The following MRTFB variants were observed in gnomAD, a reference collection of about 807,000 sequenced individuals.
The protein encoded by MRTFB is myocardin related transcription factor B, also known as myocardin-related transcription factor B.
Under a neutral mutation model 104.2 loss-of-function variants are expected in MRTFB, and 29 were observed. That is an observed-to-expected ratio of 0.28 (90% CI 0.21 to 0.38). The LOEUF (loss-of-function observed/expected upper bound fraction) is 0.38, where lower values mean the gene tolerates loss of function less well. Among genes scored for constraint, MRTFB ranks in the 10% least tolerant of loss-of-function variants. The pLI, the probability that MRTFB is intolerant of heterozygous loss-of-function variation, is 1.00. For synonymous variants in MRTFB, 535 were observed against 519.5 expected, an observed-to-expected ratio of 1.03 and a Z score of -0.41; for missense variants, 1,270 against 1,341.6, an observed-to-expected ratio of 0.95 and a Z score of 0.83.
At chr16:14,238,442 ATTG>A (rs1411788326) in intron 9 of MRTFB, among the ~76,000 whole-genome samples, 1 of 152,130 alleles carries the variant, frequency 6.6e-6, no homozygotes, top group African/African-American at 2.4e-5. Context: ...GCATCAAATA[ATTG>A]TTGTAGTTGG....
chr16:14,136,731 T>C (rs1031866331), intron 2 of MRTFB, among the ~76,000 whole-genome samples: 1 of 151,928 alleles, frequency 6.6e-6, no homozygotes, highest in East Asian at 1.9e-4. Context: ...AGATGAAAAA[T>C]GAAAGTGTAA....
At chr16:14,028,293 G>C in the MRTFB span, among the ~76,000 whole-genome samples, 7 of 152,158 alleles carry the variant, frequency 4.6e-5, no homozygotes, top group South Asian at 1.2e-3. Context: ...TCTGAAGGTA[G>C]CAAAAAAGAG....
Position 14,210,319 on chromosome 16 carries a change from T to C in MRTFB, c.220+11T>C, listed in dbSNP as rs781482274. The C allele has an allele frequency of 3.7e-6, 6 of 1,608,384 alleles. No homozygotes were observed. The highest frequency in any genetic ancestry group is 3.3e-5 in the South Asian group (3 of 90,270). ...AGGGCATCATGCCACGTAAGATTTA[T>C]ACCATCACTGCCATCCCTAACGTGA... On this transcript the variant is annotated intron_variant, in intron 4 of 16. Transcript: ENST00000571589.
Position 14,247,429 on chromosome 16 carries a change from T to A in MRTFB, c.2169T>A (p.Ala723=), listed in dbSNP as rs545337037. The change falls in exon 12 of 17, where the codon GCT becomes GCA. Residue 723 remains alanine (A), a synonymous_variant. Transcript: ENST00000571589. ...AGGCTTTACTGACCACGCAGACTGC[T>A]CAGCTGCTGCTCCCAGTGTCCATCC... is the stretch of plus-strand genomic sequence containing the variant. ...QPQALLTTQT[A]QLLLPVSIQG... is the part of the protein sequence containing the mutation. 1.3e-5 allele frequency: 21 copies of A among 1,608,836 alleles called. No individual in the cohort carries two copies. Among genetic ancestry groups the A allele is most frequent in the Non-Finnish European group, 1.5e-5 (18 of 1,179,604 alleles).
At position 14,252,512 on chromosome 16, in the gene MRTFB, G is replaced by GGC; in HGVS notation, c.2703+11_2703+12dup. 1 of 1,613,872 alleles carries GGC rather than the reference G, an allele frequency of 6.2e-7. No individual in the cohort carries two copies. The highest frequency in any genetic ancestry group is 8.5e-7 in the Non-Finnish European group (1 of 1,179,940). ...GGCCCCTCTGCCAGAGGTAAGTGAG[G>GGC]GCACGGTCATGGTGCATAAGGCTAT... On this transcript the variant is annotated intron_variant, in intron 15 of 16. Transcript: ENST00000571589.
chr16:14,062,239 C>T, the MRTFB span, among the ~76,000 whole-genome samples: 1 of 152,148 alleles, frequency 6.6e-6, no homozygotes, highest in Non-Finnish European at 1.5e-5. Context: ...ACTCCAGGCA[C>T]CTGCCACCAC....
At chr16:14,062,305 G>T in the MRTFB span, among the ~76,000 whole-genome samples, 1 of 151,748 alleles carries the variant, frequency 6.6e-6, no homozygotes, top group African/African-American at 2.4e-5. Flanking sequence ...TCGCTATGTT[G>T]CCTAGGCTGG....
intron 15 of MRTFB, among the ~76,000 whole-genome samples, chr16:14,253,414 T>C (rs1348960686): frequency 2.0e-5 from 3 of 152,196 alleles, no homozygotes. Context: ...AGTGCAGTTG[T>C]ACCAGTTCTC....
intron 3 of MRTFB, among the ~76,000 whole-genome samples, chr16:14,165,167 G>C (rs1022932260): frequency 2.0e-5 from 3 of 151,882 alleles, no homozygotes; most frequent in Admixed American, 2.0e-4. Context: ...TGTAAGTTTA[G>C]AGAATTCAGT....
intron 3 of MRTFB, among the ~76,000 whole-genome samples, chr16:14,171,864 G>C (rs941700198): frequency 2.6e-5 from 4 of 152,098 alleles, no homozygotes; most frequent in Non-Finnish European, 5.9e-5. Flanking sequence ...TTCAGTATTT[G>C]TTCATATCCT....
intron 1 of MRTFB, among the ~76,000 whole-genome samples, chr16:14,075,980 T>A (rs2141813250): frequency 6.6e-6 from 1 of 152,270 alleles, no homozygotes; most frequent in South Asian, 2.1e-4. Flanking sequence ...TAAATTCCAA[T>A]TGTCTTGATT....
In MRTFB at chr16:14,218,873, G is replaced by C; in HGVS notation, c.568G>C (p.Asp190His). The change falls in exon 8 of 17, where the codon GAC becomes CAC. Residue 190 changes from aspartate to histidine, a missense_variant. Coordinates refer to ENST00000571589, the MANE Select transcript of MRTFB (RefSeq NM_001308142.2). Reference sequence around the variant, plus strand: ...TCAGGGCGATTTCTCATTTGATGAAGACAGCAGTGACGCTTTGTCTCCGGA... The same window carrying C: ...TCAGGGCGATTTCTCATTTGATGAACACAGCAGTGACGCTTTGTCTCCGGA... ...HTQGDFSFDE[D>H]SSDALSPDQP... is the part of the protein sequence containing the mutation. The C allele has an allele frequency of 1.2e-6, 2 of 1,614,046 alleles. No homozygotes were observed. Among genetic ancestry groups the C allele is most frequent in the Non-Finnish European group, 1.7e-6 (2 of 1,179,968 alleles).
intron 10 of MRTFB, among the ~76,000 whole-genome samples, chr16:14,244,053 ATTT>A (rs2042907849): frequency 1.3e-5 from 2 of 151,562 alleles, no homozygotes; most frequent in Admixed American, 1.3e-4. Context: ...AATTTTTTGT[ATTT>A]TTAAGTAGAG....
chr16:14,228,113 C>T (rs1405949925), intron 8 of MRTFB, among the ~76,000 whole-genome samples: 1 of 152,134 alleles, frequency 6.6e-6, no homozygotes, highest in Non-Finnish European at 1.5e-5. Context: ...ACAATGGCTA[C>T]TATCAAAAGA....
At chr16:14,148,494 G>T (rs983171034) in intron 3 of MRTFB, among the ~76,000 whole-genome samples, 1 of 152,180 alleles carries the variant, frequency 6.6e-6, no homozygotes, top group African/African-American at 2.4e-5. Flanking sequence ...GTACTCTTGT[G>T]ACAGAAAACA....
intron 3 of MRTFB, 80 bp from the exon 4 acceptor site, chr16:14,210,163 A>C: frequency 9.6e-7 from 1 of 1,041,200 alleles, no homozygotes. Flanking sequence ...ATAAAGCTTA[A>C]TTGCATCTCC....
At chr16:14,017,707 ATATATTTTTTTTTT>A in the MRTFB span, among the ~76,000 whole-genome samples, 3 of 18,834 alleles carry the variant, frequency 1.6e-4, no homozygotes, top group Non-Finnish European at 5.4e-4. Flanking sequence ...ATATATATAT[ATATATTTTTTTTTT>A]TTTTTTTTTT....
At chr16:14,243,997 C>G (rs999748884) in intron 10 of MRTFB, among the ~76,000 whole-genome samples, 39 of 152,122 alleles carry the variant, frequency 2.6e-4, no homozygotes, top group African/African-American at 9.4e-4. Context: ...CCTGCCTCAG[C>G]CTCCCGAGTA....
the MRTFB span, among the ~76,000 whole-genome samples, chr16:14,003,998 G>GC: frequency 1.3e-5 from 2 of 152,086 alleles, no homozygotes; most frequent in Non-Finnish European, 2.9e-5. Context: ...AGCCAAGCAG[G>GC]GTCCATAATG....
Sources: gnomAD v4.1 joint callset for allele counts (sites outside exome capture counted in the v4.1 genomes callset) on GRCh38, gnomAD v4.1.1 for gene constraint, MANE v1.5 for transcripts, NCBI Gene and HGNC (gene_info 2026-07-23, HGNC 2026-07-21) for gene names.